SPAM1: variants seen among roughly 807,000 people sequenced by gnomAD.
SPAM1 encodes sperm adhesion molecule 1, also known as hyaluronidase PH-20.
A neutral mutation model predicts 29.6 loss-of-function variants in SPAM1; 22 were observed. The ratio of observed to expected loss-of-function variants is 0.74; its 90% CI spans 0.53 to 1.06. The LOEUF is 1.06. SPAM1 is among the 50% of genes least tolerant of loss of function. SPAM1 has a pLI of 0.00. For missense variants in SPAM1, 534 were observed against 604.0 expected (o/e 0.88, Z 1.21); for synonymous variants, 194 against 204.6 (o/e 0.95, Z 0.44).
chr7:123,931,829 C>T (rs1409840575), intron 1 of SPAM1, among the ~76,000 whole-genome samples: 2 of 152,094 alleles, frequency 1.3e-5, no homozygotes, highest in African/African-American at 4.8e-5. Context: ...TGGTTACAAG[C>T]CGAGATCTCA....
At chr7:123,966,895 AC>A (rs2117079810) in intron 5 of SPAM1, among the ~76,000 whole-genome samples, 1 of 152,046 alleles carries the variant, frequency 6.6e-6, no homozygotes, top group East Asian at 1.9e-4. Flanking sequence ...CTGCACATAT[AC>A]CCTGGAACTG....
Position 123,959,595 on chromosome 7 carries a change from G to T in SPAM1, c.1156G>T (p.Val386Leu), listed in dbSNP as rs139358184. Reference protein sequence around the residue: ...CSQVLCQEQGVCIRKNWNSSD... With the variant: ...CSQVLCQEQGLCIRKNWNSSD... ...CCAAGTGCTTTGCCAGGAGCAAGGA[G>T]TGTGTATAAGGAAAAACTGGAATTC... Residue 386 changes from valine to leucine, a missense_variant, in exon 5 of 5, where the codon GTG (valine) becomes TTG (leucine). Val to Leu is a conservative substitution (Grantham distance 32, BLOSUM62 1). Transcript: ENST00000682466. The T allele has an allele frequency of 1.3e-4, 207 of 1,613,084 alleles. No homozygotes were observed. Among genetic ancestry groups the T allele is most frequent in the Non-Finnish European group, 1.4e-4 (170 of 1,179,546 alleles).
chr7:123,937,219 A>T (rs1808266623), intron 1 of SPAM1, among the ~76,000 whole-genome samples: 1 of 152,152 alleles, frequency 6.6e-6, no homozygotes, highest in South Asian at 2.1e-4. Flanking sequence ...GTTCGGAATA[A>T]ATTCAAATGA....
intron 3 of SPAM1, 45 bp downstream of exon 3, chr7:123,954,569 A>G: frequency 1.6e-6 from 2 of 1,269,700 alleles, no homozygotes; most frequent in Non-Finnish European, 2.2e-6. Context: ...AATTCACAAA[A>G]GATGTTGATT....
rs537032855 is a variant in SPAM1, at chr7:123,969,571, C to T, written c.1486-627C>T. On this transcript the variant is annotated intron_variant, in intron 5 of 6. Coordinates refer to the SPAM1 transcript ENST00000340011. ...TCTTTTCCCCAATATATGTTCTTGG[C>T]ACCTTTGTCAAAAATCAGTTGGCCA... 2.6e-5 allele frequency among the ~76,000 whole-genome samples: 4 copies of T among 151,996 alleles called. No homozygotes were observed. The South Asian group carries it at 6.2e-4, about 24-fold the overall frequency.
At chr7:123,955,392 A>T (rs1382419076) in intron 4 of SPAM1, among the ~76,000 whole-genome samples, 2 of 152,034 alleles carry the variant, frequency 1.3e-5, no homozygotes, top group African/African-American at 2.4e-5. Context: ...GTGTCAGAAG[A>T]TAGGTCCTTG....
At chr7:123,940,302 ATAAAC>A (rs1808391945) in intron 1 of SPAM1, among the ~76,000 whole-genome samples, 1 of 152,152 alleles carries the variant, frequency 6.6e-6, no homozygotes, top group Non-Finnish European at 1.5e-5. Context: ...AAATTGAACA[ATAAAC>A]TAATCCTAAA....
At chr7:123,931,399 G>A (rs1214618238) in intron 1 of SPAM1, among the ~76,000 whole-genome samples, 4 of 152,116 alleles carry the variant, frequency 2.6e-5, no homozygotes, top group Non-Finnish European at 4.4e-5. Context: ...ACTGTAGGTC[G>A]TAAGACCCCC....
rs758549398 is a variant in SPAM1, at chr7:123,959,871, C to T, written c.1432C>T (p.Pro478Ser). The T allele has an allele frequency of 1.6e-5, 26 of 1,612,912 alleles. No individual in the cohort carries two copies. The highest frequency in any genetic ancestry group is 2.0e-5 in the Non-Finnish European group (24 of 1,179,504). Reference protein sequence around the residue: ...FLKPPMETEEPQIFYNASPST... With the variant: ...FLKPPMETEESQIFYNASPST... Reference sequence around the variant, plus strand: ...AAAACCTCCCATGGAGACAGAAGAACCTCAAATTTTCTACAATGCTTCACC... The same window carrying T: ...AAAACCTCCCATGGAGACAGAAGAATCTCAAATTTTCTACAATGCTTCACC... The change falls in exon 5 of 5, where the codon CCT (proline) becomes TCT (serine). Residue 478 changes from proline (P) to serine (S), a missense_variant. By Grantham distance (74) the Pro-to-Ser change is moderately conservative. Coordinates refer to ENST00000682466, the MANE Select transcript of SPAM1 (RefSeq NM_153189.3).
chr7:123,960,521 G>A (rs1326478770), downstream of SPAM1, among the ~76,000 whole-genome samples: 1 of 151,866 alleles, frequency 6.6e-6, no homozygotes, highest in Non-Finnish European at 1.5e-5. Flanking sequence ...TGCTTTCTCT[G>A]GTGCCACTGA....
downstream of SPAM1, among the ~76,000 whole-genome samples, chr7:123,964,558 T>C (rs569481082): frequency 7.9e-5 from 12 of 151,932 alleles, no homozygotes; most frequent in Non-Finnish European, 1.5e-4. Flanking sequence ...GCCATTTGAC[T>C]CTGTTGCTTA....
chr7:123,955,007 T>A lies in SPAM1; in HGVS notation c.965T>A (p.Val322Glu), dbSNP rs764281533. The A allele has an allele frequency of 6.2e-7, 1 of 1,610,376 alleles. No individual in the cohort carries two copies. The highest frequency in any genetic ancestry group is 8.5e-7 in the Non-Finnish European group (1 of 1,177,090). ...VLKFLSQDELVYTFGETVALG... is the reference protein window; with the variant it reads ...VLKFLSQDELEYTFGETVALG... ...TGTCACATTTTCCAGGATGAACTTG[T>A]GTATACATTTGGCGAAACTGTTGCT... The change falls in exon 4 of 5, where the codon GTG becomes GAG. Residue 322 changes from valine (V) to glutamate (E), a missense_variant. Physicochemically the swap from Val to Glu is moderately radical, Grantham distance 121. Coordinates refer to ENST00000682466, the MANE Select transcript of SPAM1 (RefSeq NM_153189.3).
In SPAM1 at chr7:123,954,222, T is replaced by G. The variant is rs148629332; in HGVS notation, c.652T>G (p.Tyr218Asp). ...KLLRPNHLWG[Y>D]YLFPDCYNHH... ...ACTTCGGCCAAATCACTTGTGGGGT[T>G]ATTATCTTTTTCCGGATTGTTACAA... Residue 218 changes from tyrosine to aspartate, a missense_variant, in exon 3 of 5, where the codon TAT (tyrosine) becomes GAT (aspartate). Physicochemically the swap from Tyr to Asp is radical, Grantham distance 160 (BLOSUM62 -3). Coordinates refer to ENST00000682466, the MANE Select transcript of SPAM1 (RefSeq NM_153189.3). The G allele has an allele frequency of 6.2e-7, 1 of 1,613,442 alleles. No homozygotes were observed. The highest frequency in any genetic ancestry group is 1.3e-5 in the African/African-American group (1 of 74,886).
intron 1 of SPAM1, among the ~76,000 whole-genome samples, chr7:123,939,041 A>C (rs1224522070): frequency 6.6e-6 from 1 of 150,524 alleles, no homozygotes; most frequent in African/African-American, 2.4e-5. Flanking sequence ...CAGCAAAGCT[A>C]TTATGTTTTT....
chr7:123,966,967 A>G (rs2117079901), intron 5 of SPAM1, among the ~76,000 whole-genome samples: 1 of 152,152 alleles, frequency 6.6e-6, no homozygotes, highest in Non-Finnish European at 1.5e-5. Flanking sequence ...GGAATAGGTT[A>G]TCAAGGGCCG....
Position 123,953,919 on chromosome 7 carries a change from AAGAT to A in SPAM1, c.350_353del (p.Lys117IlefsTer20). 6.2e-7 allele frequency: 1 copy of A among 1,613,774 alleles called. No individual in the cohort carries two copies. The highest frequency in any genetic ancestry group is 8.5e-7 in the Non-Finnish European group (1 of 1,179,800). ...AACTGTGAATGGAGGAATCCCCCAGAAGATTTCCTTACAAGACCATCTGGACAAA... is the reference window on the plus strand; with the variant it reads ...AACTGTGAATGGAGGAATCCCCCAGATTCCTTACAAGACCATCTGGACAAA... On this transcript the variant is annotated frameshift_variant, in exon 3 of 5. Transcript: ENST00000682466. LOFTEE classifies it high-confidence loss of function.
downstream of SPAM1, among the ~76,000 whole-genome samples, chr7:123,961,142 C>A (rs554118860): frequency 2.2e-4 from 33 of 151,826 alleles, no homozygotes; most frequent in African/African-American, 7.7e-4. Context: ...ATAAGGATAA[C>A]CAGTACCTCA....
intron 1 of SPAM1, among the ~76,000 whole-genome samples, chr7:123,926,977 TC>T (rs1807906745): frequency 6.6e-6 from 1 of 152,160 alleles, no homozygotes; most frequent in African/African-American, 2.4e-5. Flanking sequence ...GGAAGGGGAT[TC>T]TCTATAGGAT....
At chr7:123,958,236 C>T (rs184644667) in intron 4 of SPAM1, among the ~76,000 whole-genome samples, 74 of 152,094 alleles carry the variant, frequency 4.9e-4, no homozygotes, top group Non-Finnish European at 1.0e-3. Context: ...CTTCCTTTGG[C>T]CTGATAAAGT....
Sources: gnomAD v4.1 joint callset for allele counts (sites outside exome capture counted in the v4.1 genomes callset) on GRCh38, gnomAD v4.1.1 for gene constraint, MANE v1.5 for transcripts, NCBI Gene and HGNC (gene_info 2026-07-23, HGNC 2026-07-21) for gene names.